The following TENM3 variants were observed in gnomAD, a reference collection of about 807,000 sequenced individuals.
The protein encoded by TENM3 is teneurin transmembrane protein 3.
A neutral mutation model predicts 255.1 loss-of-function variants in TENM3; 63 were observed. The observed-to-expected ratio is 0.25, with a 90% CI of 0.20 to 0.30. The LOEUF is 0.30. Ranked by LOEUF, TENM3 falls within the 10% of genes least tolerant of loss-of-function variation. The probability of loss-of-function intolerance (pLI) is 1.00; values close to 1 mark genes in which losing one functional copy is unlikely to be tolerated. For synonymous variants in TENM3, 1,306 were observed against 1,322.3 expected (o/e 0.99, Z 0.27); for missense variants, 2,929 against 3,461.1 (o/e 0.85, Z 3.86).
chr4:182,476,085 A>G (rs576874825), intron 3 of TENM3, among the ~76,000 whole-genome samples: 2 of 152,292 alleles, frequency 1.3e-5, no homozygotes, highest in African/African-American at 4.8e-5. Flanking sequence ...TGCCATTCCA[A>G]AGTAAGTCCC....
the TENM3 span, chr4:182,084,930 G>C: frequency 3.3e-5 from 5 of 152,144 alleles, no homozygotes; most frequent in Non-Finnish European, 5.9e-5. Flanking sequence ...AAGCCCAGCA[G>C]TTCACAGAAA....
the TENM3 span, among the ~76,000 whole-genome samples, chr4:181,813,373 G>A: frequency 6.6e-6 from 1 of 152,196 alleles, no homozygotes; most frequent in African/African-American, 2.4e-5. Context: ...AATCTGGGCA[G>A]TTAACAATCA....
intron 20 of TENM3, among the ~76,000 whole-genome samples, chr4:182,753,040 G>A (rs753207489): frequency 2.8e-5 from 4 of 144,416 alleles, no homozygotes; most frequent in African/African-American, 5.1e-5. Context: ...TCCGCCTCCC[G>A]GGTTCAAGCC....
intron 3 of TENM3, among the ~76,000 whole-genome samples, chr4:182,475,404 TC>T (rs1733583588): frequency 1.3e-5 from 1 of 79,354 alleles, no homozygotes; most frequent in South Asian, 6.7e-4. Context: ...TTAAAACTGA[TC>T]AATTTTTTTT....
chr4:182,243,929 G>A (rs934738938), intron 1 of TENM3, among the ~76,000 whole-genome samples: 2 of 150,028 alleles, frequency 1.3e-5, no homozygotes, highest in African/African-American at 4.9e-5. Flanking sequence ...TTCCAAGAAT[G>A]GAATCATTTG....
chr4:181,997,298 G>C, the TENM3 span, among the ~76,000 whole-genome samples: 1 of 152,118 alleles, frequency 6.6e-6, no homozygotes, highest in Admixed American at 6.6e-5. Context: ...TCCTCAGTAC[G>C]TAAGCCTGAG....
chr4:182,114,486 C>T, the TENM3 span, among the ~76,000 whole-genome samples: 336 of 152,062 alleles, frequency 2.2e-3, 2 homozygotes, highest in African/African-American at 8.0e-3. Context: ...TTCTTCTTCG[C>T]CACAATCCAT....
intron 23 of TENM3, among the ~76,000 whole-genome samples, chr4:182,774,395 C>A (rs1008301792): frequency 6.6e-6 from 1 of 152,072 alleles, no homozygotes; most frequent in Non-Finnish European, 1.5e-5. Flanking sequence ...ACAATATGAG[C>A]TTTTTTGTAT....
the TENM3 span, among the ~76,000 whole-genome samples, chr4:182,111,523 A>G: frequency 6.6e-6 from 1 of 152,214 alleles, no homozygotes; most frequent in Non-Finnish European, 1.5e-5. Flanking sequence ...GAAAGCGGCG[A>G]AAGTGTTTAT....
intron 4 of TENM3, among the ~76,000 whole-genome samples, chr4:182,614,907 C>CA (rs1000517669): frequency 6.6e-6 from 1 of 151,606 alleles, no homozygotes; most frequent in Non-Finnish European, 1.5e-5. Flanking sequence ...ACCATTGCTG[C>CA]AGCCTTTTTG....
chr4:182,439,353 A>G (rs1396754862), intron 3 of TENM3, among the ~76,000 whole-genome samples: 1 of 152,238 alleles, frequency 6.6e-6, no homozygotes, highest in East Asian at 1.9e-4. Context: ...TGCCCCTAGC[A>G]AGACCCTAAG....
At chr4:181,542,861 G>T in the TENM3 span, among the ~76,000 whole-genome samples, 1 of 152,050 alleles carries the variant, frequency 6.6e-6, no homozygotes, top group Non-Finnish European at 1.5e-5. Flanking sequence ...TGTATTGTCC[G>T]TGATCCAAAA....
At chr4:181,807,215 T>C in the TENM3 span, among the ~76,000 whole-genome samples, 1 of 152,214 alleles carries the variant, frequency 6.6e-6, no homozygotes, top group Non-Finnish European at 1.5e-5. Flanking sequence ...GAGCACAACT[T>C]CTTCACCTTT....
At chr4:181,826,850 C>T in the TENM3 span, among the ~76,000 whole-genome samples, 1 of 152,166 alleles carries the variant, frequency 6.6e-6, no homozygotes, top group Non-Finnish European at 1.5e-5. Context: ...AGAGCCACTG[C>T]TCTAAAGGGA....
chr4:182,417,663 G>A (rs552592739), intron 3 of TENM3, among the ~76,000 whole-genome samples: 1 of 152,206 alleles, frequency 6.6e-6, no homozygotes, highest in South Asian at 2.1e-4. Context: ...ATCCTCAAGG[G>A]TCAAGAAGCA....
At chr4:182,646,211 A>G (rs1561050671) in intron 5 of TENM3, among the ~76,000 whole-genome samples, 1 of 152,224 alleles carries the variant, frequency 6.6e-6, no homozygotes, top group Non-Finnish European at 1.5e-5. Flanking sequence ...GCTTCAGAAG[A>G]GCAGGGAAGA....
At chr4:182,227,785 T>A (rs1756271947) in intron 1 of TENM3, among the ~76,000 whole-genome samples, 1 of 152,092 alleles carries the variant, frequency 6.6e-6, no homozygotes, top group Non-Finnish European at 1.5e-5. Flanking sequence ...TAGAATCTAC[T>A]TTTTCTGGTT....
the TENM3 span, among the ~76,000 whole-genome samples, chr4:181,506,489 A>G: frequency 6.6e-6 from 1 of 152,136 alleles, no homozygotes; most frequent in Non-Finnish European, 1.5e-5. Flanking sequence ...AATATCATCT[A>G]AAGAATGCCT....
At chr4:181,525,239 C>A in the TENM3 span, among the ~76,000 whole-genome samples, 2 of 151,736 alleles carry the variant, frequency 1.3e-5, no homozygotes, top group African/African-American at 4.8e-5. Context: ...GGTGAAACCC[C>A]GTCTCTACCA....
Sources: allele counts gnomAD v4.1 joint callset (sites outside exome capture counted in the v4.1 genomes callset), GRCh38; gene constraint gnomAD v4.1.1; transcripts MANE v1.5; gene names NCBI Gene and HGNC (gene_info 2026-07-23, HGNC 2026-07-21).